Variants in NDUFAF7 observed in about 807,000 individuals in gnomAD.
NDUFAF7 encodes protein arginine methyltransferase NDUFAF7, mitochondrial.
A neutral mutation model predicts 47.2 loss-of-function variants in NDUFAF7; 48 were observed. The ratio of observed to expected loss-of-function variants is 1.02; its 90% confidence interval spans 0.81 to 1.29. The LOEUF (loss-of-function observed/expected upper bound fraction) is 1.29, where lower values mean the gene tolerates loss of function less well. Among genes scored for constraint, NDUFAF7 ranks in the 50% most tolerant of loss-of-function variants. The pLI is 0.00. For synonymous variants in NDUFAF7, 217 were observed against 190.0 expected, an observed-to-expected ratio of 1.14 and a Z score of -1.17; for missense variants, 635 against 537.6, an observed-to-expected ratio of 1.18 and a Z score of -1.79.
At chr2:37,246,248 G>T in intron 8 of NDUFAF7, 53 bp downstream of exon 8, 1 of 1,593,446 alleles carries the variant, frequency 6.3e-7, no homozygotes. Context: ...TAGATCTGAA[G>T]CCCATTGAAG....
At chr2:37,241,059 T>G (rs1666285574) in intron 4 of NDUFAF7, among the ~76,000 whole-genome samples, 1 of 152,226 alleles carries the variant, frequency 6.6e-6, no homozygotes, top group Non-Finnish European at 1.5e-5. Flanking sequence ...ATATTAGTAT[T>G]TTCCTTTTTC....
intron 3 of NDUFAF7, among the ~76,000 whole-genome samples, chr2:37,236,773 TC>T (rs930549596): frequency 5.5e-5 from 7 of 126,720 alleles, no homozygotes; most frequent in African/African-American, 1.8e-4. Flanking sequence ...TGAGCAAAAC[TC>T]CGTCTCAAAA....
chr2:37,241,129 G>A (rs1448718237), intron 4 of NDUFAF7, among the ~76,000 whole-genome samples: 7 of 152,170 alleles, frequency 4.6e-5, no homozygotes, highest in African/African-American at 1.7e-4. Flanking sequence ...AAATGTGGCA[G>A]ACCCCCGAGT....
At position 37,243,625 on chromosome 2, in the gene NDUFAF7, A is replaced by C. The variant is rs992986294; in HGVS notation, c.682-238A>C. Among the ~76,000 whole-genome samples, 5 of 152,264 alleles carry C rather than the reference A, an allele frequency of 3.3e-5. No individual in the cohort carries two copies. In the South Asian group the frequency reaches 6.2e-4, roughly 19 times the overall value. The stretch of plus-strand genomic sequence containing the variant: ...CTGAGTCTATTTCCGTTTTTGGGGT[A>C]CTTTCCATGCTGCTGATTTTATCTT... On this transcript the variant is annotated intron_variant, in intron 6 of 9. Transcript: ENST00000002125.
At chr2:37,249,643 G>GACAGACACACACACACAC (rs1261022368), downstream of NDUFAF7, among the ~76,000 whole-genome samples, 1,035 of 132,616 alleles carry the variant, frequency 7.8e-3, 29 homozygotes, top group African/African-American at 0.029. Flanking sequence ...CTGTGATAGA[G>GACAGACACACACACACAC]ACACACACAC....
intron 9 of NDUFAF7, 68 bp from the exon 10 acceptor site, chr2:37,248,067 A>G: frequency 1.7e-6 from 2 of 1,210,770 alleles, no homozygotes; most frequent in Non-Finnish European, 2.4e-6. Context: ...GAGAGTCATT[A>G]GTATTGCTGC....
At chr2:37,256,701 T>G (rs767660133), downstream of NDUFAF7, 1 of 1,500,770 alleles carries the variant, frequency 6.7e-7, no homozygotes, top group South Asian at 1.1e-5. Context: ...GGTGGGTACA[T>G]AAATGCAGCA....
intron 6 of NDUFAF7, among the ~76,000 whole-genome samples, chr2:37,243,262 C>T (rs1406402962): frequency 6.6e-6 from 1 of 152,070 alleles, no homozygotes; most frequent in Non-Finnish European, 1.5e-5. Context: ...ACCAGCCTGG[C>T]CAACATGACA....
intron 2 of NDUFAF7, among the ~76,000 whole-genome samples, chr2:37,235,067 TGAA>T (rs1224599265): frequency 3.3e-5 from 5 of 152,126 alleles, no homozygotes; most frequent in Admixed American, 3.3e-4. Context: ...TACTTTGTGG[TGAA>T]GAACAGAGAC....
downstream of NDUFAF7, among the ~76,000 whole-genome samples, chr2:37,253,883 T>A (rs1047444631): frequency 6.6e-6 from 1 of 152,162 alleles, no homozygotes; most frequent in African/African-American, 2.4e-5. Context: ...AAAAATCTCT[T>A]CAATGCAAAA....
chr2:37,265,226 G>C, the NDUFAF7 span, among the ~76,000 whole-genome samples: 2 of 152,176 alleles, frequency 1.3e-5, no homozygotes, highest in Non-Finnish European at 2.9e-5. Flanking sequence ...ATGGGGAAGA[G>C]GAGAGCCAAA....
chr2:37,244,074 A>G (rs1004293958), intron 7 of NDUFAF7, 101 bp downstream of exon 7: 57 of 1,008,944 alleles, frequency 5.6e-5, no homozygotes, highest in Admixed American at 1.7e-4. Context: ...CTTTACAGGA[A>G]GAGTTGCTAG....
chr2:37,265,978 C>T, the NDUFAF7 span, among the ~76,000 whole-genome samples: 4 of 152,070 alleles, frequency 2.6e-5, no homozygotes, highest in East Asian at 3.9e-4. Context: ...TTTATTGTTT[C>T]GCTTACTAGT....
chr2:37,271,311 C>A, the NDUFAF7 span, among the ~76,000 whole-genome samples: 1 of 152,022 alleles, frequency 6.6e-6, no homozygotes, highest in Non-Finnish European at 1.5e-5. Flanking sequence ...TGGCCCCGAT[C>A]TAAAAATGGT....
At chr2:37,232,590 A>G (rs1048626774) in intron 2 of NDUFAF7, among the ~76,000 whole-genome samples, 3 of 152,152 alleles carry the variant, frequency 2.0e-5, no homozygotes, top group Non-Finnish European at 2.9e-5. Context: ...GGGAGAAGGA[A>G]TACGGGAGGA....
At chr2:37,232,377 G>T in intron 2 of NDUFAF7, 111 bp downstream of exon 2, 1 of 1,395,592 alleles carries the variant, frequency 7.2e-7, no homozygotes, top group Admixed American at 1.7e-5. Context: ...GTGCCTGCCA[G>T]GGGAAGAGCC....
At chr2:37,250,712 G>GTGAT (rs2148457580), downstream of NDUFAF7, 1 of 152,212 alleles carries the variant, frequency 6.6e-6, no homozygotes, top group East Asian at 1.9e-4. Context: ...GAAAAGTATG[G>GTGAT]TGATAGGAAA....
chr2:37,239,606 C>T (rs1666148505), intron 4 of NDUFAF7, among the ~76,000 whole-genome samples: 2 of 152,110 alleles, frequency 1.3e-5, no homozygotes, highest in Admixed American at 1.3e-4. Context: ...CACAAATGCC[C>T]ATCGGGGGGT....
intron 1 of NDUFAF7, 81 bp downstream of exon 1, chr2:37,231,841 G>A (rs978773347): frequency 6.3e-7 from 1 of 1,597,884 alleles, no homozygotes; most frequent in Non-Finnish European, 8.5e-7. Flanking sequence ...TGAGGGTACC[G>A]GGGGATCAAG....
Sources: gnomAD v4.1 joint callset for allele counts (sites outside exome capture counted in the v4.1 genomes callset) on GRCh38, gnomAD v4.1.1 for gene constraint, MANE v1.5 for transcripts, NCBI Gene and HGNC (gene_info 2026-07-23, HGNC 2026-07-21) for gene names.